The following HEBP1 variants were observed in gnomAD, a reference collection of about 807,000 sequenced individuals.
HEBP1 encodes the protein heme binding protein 1.
A neutral mutation model predicts 20.4 loss-of-function variants in HEBP1; 13 were observed. The observed-to-expected ratio is 0.64, with a 90% CI of 0.42 to 1.01. HEBP1 has a LOEUF of 1.01. Among genes scored for constraint, HEBP1 ranks in the 50% least tolerant of loss-of-function variants. HEBP1 has a pLI of 0.00. For missense variants in HEBP1, 241 were observed against 247.3 expected (o/e 0.97, Z 0.17); for synonymous variants, 92 against 90.7 (o/e 1.01, Z -0.08).
chr12:12,983,573 A>G (rs919321701), intron 3 of HEBP1: 23 of 402,594 alleles, frequency 5.7e-5, no homozygotes, highest in Middle Eastern at 7.1e-4. Flanking sequence ...ATTGCTTTCA[A>G]CAGAATCAGA....
At chr12:12,981,719 A>T (rs1864085463) in intron 3 of HEBP1, among the ~76,000 whole-genome samples, 1 of 152,194 alleles carries the variant, frequency 6.6e-6, no homozygotes, top group Non-Finnish European at 1.5e-5. Context: ...AGTTCCTGGT[A>T]CAGAGTAAGT....
rs768891210 is a variant in HEBP1, at chr12:13,000,026, T to C, written c.78+11A>G. On this transcript the variant is annotated intron_variant, in intron 1 of 3. Coordinates refer to ENST00000014930, the MANE Select transcript of HEBP1 (RefSeq NM_015987.5). Reference sequence around the variant, plus strand: ...CAATCCTTCAGGTCCTCGGCAGCCCTGCGGGCCTACCTTGTCCCCTTTGCT... The same window carrying C: ...CAATCCTTCAGGTCCTCGGCAGCCCCGCGGGCCTACCTTGTCCCCTTTGCT... 1.3e-6 allele frequency: 2 copies of C among 1,598,752 alleles called. No individual in the cohort carries two copies. The highest frequency in any genetic ancestry group is 3.4e-5 in the Admixed American group (2 of 59,420).
At chr12:12,983,668 T>A (rs901524329) in intron 3 of HEBP1, 20 of 455,970 alleles carry the variant, frequency 4.4e-5, no homozygotes, top group Middle Eastern at 3.2e-4. Context: ...AATGATCATA[T>A]GCTGTGTGAG....
intron 2 of HEBP1, among the ~76,000 whole-genome samples, chr12:12,988,100 TAAG>T (rs753255163): frequency 6.6e-6 from 1 of 152,188 alleles, no homozygotes; most frequent in Non-Finnish European, 1.5e-5. Context: ...GAATTATGCT[TAAG>T]AAGACTCTGG....
intron 3 of HEBP1, among the ~76,000 whole-genome samples, chr12:12,978,039 A>AT (rs1462921837): frequency 6.6e-6 from 1 of 152,148 alleles, no homozygotes; most frequent in Non-Finnish European, 1.5e-5. Context: ...AAGTGGTTAC[A>AT]TAAGTTTCAC....
Position 12,987,154 on chromosome 12 carries a change from G to A in HEBP1, c.396C>T (p.Ser132=), listed in dbSNP as rs1864162810. The change falls in exon 3 of 4, where the codon TCC becomes TCT. Residue 132 remains serine (S), a splice_region_variant and synonymous_variant. Transcript: ENST00000014930. ...IEEREGITVY[S]MQFGGYAKEA... ...TGCCTGAAGGATTGTCTCCTTACAT[G>A]GAATAGACAGTGATGCCTTCCCGTT... The A allele has an allele frequency of 1.2e-6, 2 of 1,613,106 alleles. No homozygotes were observed. The highest frequency in any genetic ancestry group is 1.3e-5 in the African/African-American group (1 of 74,892).
chr12:12,981,684 C>T (rs850930), intron 3 of HEBP1, among the ~76,000 whole-genome samples: 2,035 of 152,276 alleles, frequency 0.013, 55 homozygotes, highest in African/African-American at 0.046. Flanking sequence ...TCATGACGTC[C>T]ATTTTACTGT....
At chr12:12,995,393 A>C (rs1482537623) in intron 1 of HEBP1, among the ~76,000 whole-genome samples, 1 of 152,196 alleles carries the variant, frequency 6.6e-6, no homozygotes, top group African/African-American at 2.4e-5. Context: ...TATTGTAGGC[A>C]CTCTACAAAT....
Position 12,996,789 on chromosome 12 carries a change from G to A in HEBP1, c.78+3248C>T, listed in dbSNP as rs1385166313. ...ACCCAAACTTTACTGTAAAACTACAGTAAAGCTAACCATTACCATCTCCAA... is the reference window on the plus strand; with the variant it reads ...ACCCAAACTTTACTGTAAAACTACAATAAAGCTAACCATTACCATCTCCAA... On this transcript the variant is annotated intron_variant, in intron 1 of 3. Coordinates refer to ENST00000014930, the MANE Select transcript of HEBP1 (RefSeq NM_015987.5). This position sits in a 1 kb window ranked among gnomAD's most constrained non-coding sequence, Gnocchi z 4.1. Among the ~76,000 whole-genome samples the A allele has an allele frequency of 1.3e-5, 2 of 152,150 alleles. No homozygotes were observed. The highest frequency in any genetic ancestry group is 2.9e-5 in the Non-Finnish European group (2 of 68,026).
In HEBP1 at chr12:12,996,814, A is replaced by G. The variant is rs957270778; in HGVS notation, c.78+3223T>C. Reference sequence around the variant, plus strand: ...GTAAAGCTAACCATTACCATCTCCAACCAAGTACTAACATTGAACAGTTTT... The same window carrying G: ...GTAAAGCTAACCATTACCATCTCCAGCCAAGTACTAACATTGAACAGTTTT... On this transcript the variant is annotated intron_variant, in intron 1 of 3. Coordinates refer to ENST00000014930, the MANE Select transcript of HEBP1 (RefSeq NM_015987.5). The surrounding 1 kb of genome is among the most constrained non-coding windows in gnomAD (Gnocchi z 4.1). Among the ~76,000 whole-genome samples the G allele has an allele frequency of 6.6e-6, 1 of 152,144 alleles. No homozygotes were observed. Among genetic ancestry groups the G allele is most frequent in the African/African-American group, 2.4e-5 (1 of 41,432 alleles).
At chr12:12,989,162 T>C (rs1266797033) in intron 2 of HEBP1, 115 bp downstream of exon 2, 4 of 1,130,822 alleles carry the variant, frequency 3.5e-6, no homozygotes, top group Non-Finnish European at 5.2e-6. Context: ...CACAGGTCAT[T>C]GAAACAGGTC....
At chr12:12,983,176 C>T (rs1256085777) in intron 3 of HEBP1, among the ~76,000 whole-genome samples, 1 of 152,136 alleles carries the variant, frequency 6.6e-6, no homozygotes, top group African/African-American at 2.4e-5. Context: ...GCTGTTGGTC[C>T]CTATTGAGAA....
intron 3 of HEBP1, among the ~76,000 whole-genome samples, chr12:12,978,450 G>A (rs58997439): frequency 0.034 from 5,131 of 152,046 alleles, 268 homozygotes; most frequent in African/African-American, 0.12. Context: ...TGATCCACCC[G>A]CCTCAGCCTC....
rs547380137 is a variant in HEBP1, at chr12:12,992,112, G to A, written c.79-2697C>T. On this transcript the variant is annotated intron_variant, in intron 1 of 3. Coordinates refer to ENST00000014930, the MANE Select transcript of HEBP1 (RefSeq NM_015987.5). The stretch of plus-strand genomic sequence containing the variant: ...ACTGAAGATTCACAACTAGGGAAGA[G>A]GGTGTGACTCCCAGGGGGACAGAAG... Among the ~76,000 whole-genome samples, 10 of 152,352 alleles carry A rather than the reference G, an allele frequency of 6.6e-5. No individual in the cohort carries two copies. The South Asian group carries it at 2.1e-3, about 32-fold the overall frequency.
chr12:12,981,138 G>A (rs1864076805), intron 3 of HEBP1, among the ~76,000 whole-genome samples: 1 of 152,176 alleles, frequency 6.6e-6, no homozygotes, highest in South Asian at 2.1e-4. Flanking sequence ...TGACCAGGAT[G>A]AGCCAATAAT....
chr12:12,975,444 A>G lies in HEBP1; in HGVS notation c.434T>C (p.Val145Ala). The G allele has an allele frequency of 6.2e-7, 1 of 1,610,610 alleles. No individual in the cohort carries two copies. Among genetic ancestry groups the G allele is most frequent in the Non-Finnish European group, 8.5e-7 (1 of 1,178,670 alleles). Residue 145 changes from valine to alanine, a missense_variant, in exon 4 of 4, where the codon GTA becomes GCA. Physicochemically the swap from Val to Ala is moderately conservative, Grantham distance 64 (BLOSUM62 0). Coordinates refer to ENST00000014930, the MANE Select transcript of HEBP1 (RefSeq NM_015987.5). ...FGGYAKEADY[V>A]AQATRLRAAL... ...AGCACGCAGACGGGTGGCTTGTGCT[A>G]CGTAGTCTGCTTCCTTGGCATAACC...
intron 3 of HEBP1, chr12:12,983,755 T>C (rs539411898): frequency 9.2e-5 from 42 of 456,040 alleles, no homozygotes; most frequent in African/African-American, 8.2e-4. Flanking sequence ...TTTCAGAGAA[T>C]TAAAAGGAAA....
chr12:12,977,568 T>C (rs751831186), intron 3 of HEBP1: 4 of 152,128 alleles, frequency 2.6e-5, no homozygotes, highest in Non-Finnish European at 4.4e-5. Context: ...CTGGACAACA[T>C]AGTGAGATCC....
intron 1 of HEBP1, among the ~76,000 whole-genome samples, chr12:12,999,059 C>G (rs558300607): frequency 1.3e-5 from 2 of 152,236 alleles, no homozygotes; most frequent in African/African-American, 4.8e-5. Context: ...AGGTCCCCAT[C>G]ATAGCCCCCT....
Sources: gnomAD v4.1 joint callset for allele counts (sites outside exome capture counted in the v4.1 genomes callset) on GRCh38, gnomAD v4.1.1 for gene constraint, Gnocchi (gnomAD v3.1) non-coding constraint, MANE v1.5 for transcripts, NCBI Gene and HGNC (gene_info 2026-07-23, HGNC 2026-07-21) for gene names.